The following CRB1 variants were observed in gnomAD, a reference collection of about 807,000 sequenced individuals.
CRB1 encodes the protein protein crumbs homolog 1.
CRB1 carries 83 observed loss-of-function variants against 120.0 expected under a neutral mutation model. The observed-to-expected ratio is 0.69, with a 90% CI of 0.58 to 0.83. The LOEUF is 0.83. Ranked by LOEUF, CRB1 falls within the 40% of genes least tolerant of loss-of-function variation. The pLI, the probability that CRB1 is intolerant of heterozygous loss-of-function variation, is 0.00. For synonymous variants in CRB1, 625 were observed against 612.5 expected (o/e 1.02, Z -0.30); for missense variants, 1,699 against 1,687.6 (o/e 1.01, Z -0.12).
At chr1:197,264,515 A>C (rs1465982183), upstream of CRB1, among the ~76,000 whole-genome samples, 1 of 151,992 alleles carries the variant, frequency 6.6e-6, no homozygotes, top group East Asian at 1.9e-4. Context: ...GGATCAAATG[A>C]TAGTTCTATT....
Position 197,427,543 on chromosome 1 carries a change from T to C in CRB1, c.2218T>C (p.Ser740Pro). 13 of 1,613,956 alleles carry C rather than the reference T, an allele frequency of 8.1e-6. No individual in the cohort carries two copies. Among genetic ancestry groups the C allele is most frequent in the Non-Finnish European group, 1.1e-5 (13 of 1,179,960 alleles). ...DESYGDTISL[S>P]MFVRTLQPSG... ...GAGCTATGGAGACACCATCAGCCTC[T>C]CCATGTTTGTCCGAACGCTTCAACC... The change falls in exon 7 of 12, where the codon TCC becomes CCC. Residue 740 changes from serine (S) to proline (P), a missense_variant. Ser to Pro is a moderately conservative substitution (Grantham distance 74). Transcript: ENST00000367400.
chr1:197,405,501 G>A (rs1395935118), intron 5 of CRB1, among the ~76,000 whole-genome samples: 15 of 151,790 alleles, frequency 9.9e-5, no homozygotes, highest in Non-Finnish European at 1.9e-4. Flanking sequence ...CCGCCACCCC[G>A]TCTGGGAAGT....
chr1:197,215,426 C>T, the CRB1 span, among the ~76,000 whole-genome samples: 2 of 151,946 alleles, frequency 1.3e-5, no homozygotes, highest in Non-Finnish European at 2.9e-5. Flanking sequence ...AATAGGCATG[C>T]ACCACCATGC....
chr1:197,428,135 T>C, intron 7 of CRB1, 134 bp downstream of exon 7: 1 of 794,130 alleles, frequency 1.3e-6, no homozygotes, highest in East Asian at 2.7e-5. Context: ...TAATATTTCA[T>C]CTATATTGTT....
At chr1:197,462,489 TG>T (rs1666574510) in intron 11 of CRB1, among the ~76,000 whole-genome samples, 1 of 152,086 alleles carries the variant, frequency 6.6e-6, no homozygotes. Flanking sequence ...CTCTTGGCAA[TG>T]GGTGACATGT....
chr1:197,406,174 G>C (rs1253728751), intron 5 of CRB1, among the ~76,000 whole-genome samples: 1 of 152,252 alleles, frequency 6.6e-6, no homozygotes, highest in East Asian at 1.9e-4. Flanking sequence ...TCGGATGGTT[G>C]CCTTGTCTGT....
the CRB1 span, among the ~76,000 whole-genome samples, chr1:197,220,662 T>A: frequency 6.6e-6 from 1 of 152,208 alleles, no homozygotes; most frequent in Non-Finnish European, 1.5e-5. Context: ...ATTATTGATA[T>A]GGTTTGGATT....
chr1:197,206,087 G>A, the CRB1 span, among the ~76,000 whole-genome samples: 1 of 151,842 alleles, frequency 6.6e-6, no homozygotes, highest in African/African-American at 2.4e-5. Flanking sequence ...TATTTCTGTG[G>A]TATCAGCTGT....
the CRB1 span, among the ~76,000 whole-genome samples, chr1:197,260,835 G>A: frequency 2.0e-5 from 3 of 151,718 alleles, no homozygotes; most frequent in Non-Finnish European, 4.4e-5. Flanking sequence ...TAGCTGGGAC[G>A]ACAGGTGTGC....
At chr1:197,385,748 AAGAGCTCCT>A (rs973107492) in intron 5 of CRB1, among the ~76,000 whole-genome samples, 2 of 152,096 alleles carry the variant, frequency 1.3e-5, no homozygotes, top group African/African-American at 4.8e-5. Context: ...TGAACGCCTC[AAGAGCTCCT>A]AGAGCTGACA....
At chr1:197,276,365 T>G (rs973917034) in intron 1 of CRB1, among the ~76,000 whole-genome samples, 4 of 151,824 alleles carry the variant, frequency 2.6e-5, no homozygotes, top group Non-Finnish European at 5.9e-5. Flanking sequence ...TAAAATTTAC[T>G]ATTTATTCCA....
chr1:197,246,473 G>A, the CRB1 span, among the ~76,000 whole-genome samples: 1 of 151,950 alleles, frequency 6.6e-6, no homozygotes, highest in Non-Finnish European at 1.5e-5. Flanking sequence ...TTACCACCAT[G>A]TCATTTCTTG....
intron 5 of CRB1, among the ~76,000 whole-genome samples, chr1:197,379,343 A>C (rs1661815689): frequency 6.6e-6 from 1 of 151,716 alleles, no homozygotes; most frequent in Non-Finnish European, 1.5e-5. Flanking sequence ...TTTGTCGCCC[A>C]GGCTGGAATA....
upstream of CRB1, among the ~76,000 whole-genome samples, chr1:197,266,746 A>G (rs879618658): frequency 2.6e-5 from 4 of 152,168 alleles, no homozygotes; most frequent in Admixed American, 2.0e-4. Flanking sequence ...TTGAAAAACT[A>G]ATTTTCTTTG....
intron 5 of CRB1, among the ~76,000 whole-genome samples, chr1:197,380,470 G>T (rs942451284): frequency 6.6e-6 from 1 of 152,130 alleles, no homozygotes; most frequent in African/African-American, 2.4e-5. Context: ...GCAGCTAAGG[G>T]TATCCAGTAT....
chr1:197,417,322 T>C (rs1428067397), intron 5 of CRB1, among the ~76,000 whole-genome samples: 1 of 152,178 alleles, frequency 6.6e-6, no homozygotes, highest in Non-Finnish European at 1.5e-5. Context: ...AGAGAAAGAA[T>C]TGCTGCTGTG....
chr1:197,446,535 A>G (rs915035014), intron 11 of CRB1, among the ~76,000 whole-genome samples: 2 of 152,188 alleles, frequency 1.3e-5, no homozygotes, highest in Admixed American at 1.3e-4. Flanking sequence ...TCATAAGAGA[A>G]ATGGAGAATC....
chr1:197,210,985 T>C, the CRB1 span, among the ~76,000 whole-genome samples: 1 of 152,204 alleles, frequency 6.6e-6, no homozygotes, highest in Non-Finnish European at 1.5e-5. Flanking sequence ...ACAAATACTT[T>C]GTACCAGAAA....
intron 1 of CRB1, among the ~76,000 whole-genome samples, chr1:197,286,498 C>T (rs1236188275): frequency 3.3e-5 from 5 of 151,878 alleles, no homozygotes; most frequent in Non-Finnish European, 7.4e-5. Context: ...GAAAACTAAA[C>T]ATTTACTAAT....
Sources: gnomAD v4.1 joint callset for allele counts (sites outside exome capture counted in the v4.1 genomes callset) on GRCh38, gnomAD v4.1.1 for gene constraint, MANE v1.5 for transcripts, NCBI Gene and HGNC (gene_info 2026-07-23, HGNC 2026-07-21) for gene names.